SLC9B1: variants seen among roughly 807,000 people sequenced by gnomAD.
The protein encoded by SLC9B1 is sodium/hydrogen exchanger 9B1.
In SLC9B1, 32 loss-of-function variants were observed where a neutral mutation model predicts 51.7. That is an observed-to-expected ratio of 0.62 (90% confidence interval 0.47 to 0.83). SLC9B1 has a LOEUF of 0.83. SLC9B1 is among the 40% of genes least tolerant of loss of function. SLC9B1 has a pLI of 0.00. For missense variants in SLC9B1, 406 were observed against 613.2 expected (o/e 0.66, Z 3.57); for synonymous variants, 145 against 212.7 (o/e 0.68, Z 2.77).
intron 3 of SLC9B1, among the ~76,000 whole-genome samples, chr4:102,963,993 A>G (rs1019454570): frequency 6.6e-6 from 1 of 152,146 alleles, no homozygotes; most frequent in Non-Finnish European, 1.5e-5. Context: ...GGATAACATT[A>G]AAAACAACCA....
At chr4:102,950,356 G>A (rs1221318593) in intron 3 of SLC9B1, among the ~76,000 whole-genome samples, 1 of 152,162 alleles carries the variant, frequency 6.6e-6, no homozygotes, top group East Asian at 1.9e-4. Flanking sequence ...GTAGGTATAA[G>A]TTACTAGACA....
intron 3 of SLC9B1, among the ~76,000 whole-genome samples, chr4:102,950,876 T>C (rs1363781871): frequency 1.3e-5 from 2 of 152,132 alleles, no homozygotes; most frequent in Non-Finnish European, 2.9e-5. Flanking sequence ...ATGCCTATAA[T>C]CCCAGCTACT....
At chr4:102,895,330 G>C (rs183160874) in intron 11 of SLC9B1, among the ~76,000 whole-genome samples, 2 of 152,066 alleles carry the variant, frequency 1.3e-5, no homozygotes, top group Non-Finnish European at 2.9e-5. Flanking sequence ...ATTTAAATAC[G>C]TACATAAATG....
chr4:103,014,852 T>A (rs920996086), intron 1 of SLC9B1: 1 of 152,218 alleles, frequency 6.6e-6, no homozygotes, highest in Admixed American at 6.5e-5. Flanking sequence ...CTGTGATTAA[T>A]AATTCTGCCA....
intron 3 of SLC9B1, among the ~76,000 whole-genome samples, chr4:102,987,833 T>G (rs1160347064): frequency 6.6e-6 from 1 of 152,210 alleles, no homozygotes; most frequent in Non-Finnish European, 1.5e-5. Context: ...CTGTAAGTTA[T>G]GATTCTCTGA....
rs552117689 is a variant in SLC9B1, at chr4:103,002,149, C to G, written c.-1-10437G>C. On this transcript the variant is annotated intron_variant, in intron 1 of 11. Transcript: ENST00000296422. ...GGGCTTACAGGTCTCTCCCTCAACA[C>G]GTGGGGATTCCAATTCAAGATGAGA... is the stretch of plus-strand genomic sequence containing the variant. Among the ~76,000 whole-genome samples, 3 of 152,288 alleles carry G rather than the reference C, an allele frequency of 2.0e-5. No individual in the cohort carries two copies. The South Asian group carries it at 6.2e-4, about 32-fold the overall frequency.
intron 1 of SLC9B1, among the ~76,000 whole-genome samples, chr4:102,996,811 G>A (rs1740248627): frequency 6.6e-6 from 1 of 151,526 alleles, no homozygotes; most frequent in African/African-American, 2.4e-5. Context: ...TTCTGAGATA[G>A]GGTCTTCCTC....
At chr4:102,986,956 G>A (rs752576007) in intron 3 of SLC9B1, among the ~76,000 whole-genome samples, 4 of 152,024 alleles carry the variant, frequency 2.6e-5, no homozygotes, top group Non-Finnish European at 5.9e-5. Context: ...CCATATATGA[G>A]TCTGGTTCTG....
intron 4 of SLC9B1, 28 bp from the exon 5 acceptor site, chr4:102,946,817 G>A (rs776058178): frequency 1.3e-6 from 2 of 1,539,092 alleles, no homozygotes; most frequent in Non-Finnish European, 8.7e-7. Context: ...AAAGATACAT[G>A]ACAGTTCATT....
At chr4:102,993,347 T>C (rs1740047993) in intron 1 of SLC9B1, among the ~76,000 whole-genome samples, 1 of 152,170 alleles carries the variant, frequency 6.6e-6, no homozygotes, top group Non-Finnish European at 1.5e-5. Flanking sequence ...CGAAATCCAA[T>C]AGGGCAATCA....
At chr4:102,927,071 C>T (rs1578353875) in intron 7 of SLC9B1, among the ~76,000 whole-genome samples, 1 of 152,298 alleles carries the variant, frequency 6.6e-6, no homozygotes, top group East Asian at 1.9e-4. Context: ...AACTGGATCC[C>T]TTCCTTATAC....
chr4:103,016,134 C>CAAA (rs61227731), intron 1 of SLC9B1, among the ~76,000 whole-genome samples: 3 of 49,630 alleles, frequency 6.0e-5, no homozygotes, highest in South Asian at 8.4e-4. Context: ...AACTCTGTCT[C>CAAA]AAAAAAAAAA....
intron 7 of SLC9B1, among the ~76,000 whole-genome samples, chr4:102,927,309 C>A (rs1453164598): frequency 6.6e-6 from 1 of 152,036 alleles, no homozygotes; most frequent in Non-Finnish European, 1.5e-5. Flanking sequence ...CAGAGTGAAC[C>A]AGGCAACCTA....
chr4:102,935,189 A>C (rs1437669074), intron 6 of SLC9B1, among the ~76,000 whole-genome samples: 3 of 152,242 alleles, frequency 2.0e-5, no homozygotes, highest in Non-Finnish European at 4.4e-5. Context: ...GGATATGAAC[A>C]GGCTAGTTAC....
At chr4:102,931,280 T>C (rs1484153295) in intron 7 of SLC9B1, among the ~76,000 whole-genome samples, 2 of 150,140 alleles carry the variant, frequency 1.3e-5, no homozygotes, top group Non-Finnish European at 1.5e-5. Context: ...ATAAGAATAT[T>C]TGACAGAGAG....
chr4:103,016,819 A>T (rs922782081), intron 1 of SLC9B1: 2 of 151,680 alleles, frequency 1.3e-5, no homozygotes, highest in Non-Finnish European at 2.9e-5. Context: ...CTATTCTTCC[A>T]TCTCTTTTGT....
At chr4:102,933,207 G>A (rs1380470830) in intron 6 of SLC9B1, among the ~76,000 whole-genome samples, 2 of 152,288 alleles carry the variant, frequency 1.3e-5, no homozygotes, top group East Asian at 3.9e-4. Context: ...TTGTCCTGCT[G>A]ACAAGCACCT....
chr4:102,917,502 G>T (rs1276992882), intron 7 of SLC9B1, among the ~76,000 whole-genome samples: 1 of 139,196 alleles, frequency 7.2e-6, no homozygotes, highest in Non-Finnish European at 1.6e-5. Flanking sequence ...TCTCCTATTG[G>T]TTCTGACCCT....
chr4:102,943,506 TACACACACACACAC>T (rs373442152), intron 6 of SLC9B1, among the ~76,000 whole-genome samples: 3 of 145,484 alleles, frequency 2.1e-5, no homozygotes. Flanking sequence ...TGTGTATGTA[TACACACACACACAC>T]ACACACACAC....
Sources: gnomAD v4.1 joint callset for allele counts (sites outside exome capture counted in the v4.1 genomes callset) on GRCh38, gnomAD v4.1.1 for gene constraint, MANE v1.5 for transcripts, NCBI Gene and HGNC (gene_info 2026-07-23, HGNC 2026-07-21) for gene names.